The following ZNF540 variants were observed in gnomAD, a reference collection of about 807,000 sequenced individuals.
ZNF540 encodes zinc finger protein 540, also known as CTD-3064H18.6.
Under a neutral mutation model 11.8 loss-of-function variants are expected in ZNF540, and 3 were observed. The observed-to-expected ratio is 0.25, with a 90% CI of 0.12 to 0.65. The LOEUF is 0.65. ZNF540 is among the 30% of genes least tolerant of loss of function. ZNF540 has a pLI of 0.83. For missense variants in ZNF540, 709 were observed against 793.1 expected (o/e 0.89, Z 1.27); for synonymous variants, 247 against 259.0 (o/e 0.95, Z 0.45).
chr19:37,565,522 A>T lies in ZNF540; in HGVS notation c.-73+13857A>T, dbSNP rs987997924. 28 of 1,613,756 alleles carry T rather than the reference A, an allele frequency of 1.7e-5. No homozygotes were observed. In the East Asian group the frequency reaches 6.2e-4, roughly 36 times the overall value. On this transcript the variant is annotated intron_variant, in intron 1 of 4. Coordinates refer to the ZNF540 transcript ENST00000592533. ...CCTTACACTCATAAGGTTTCTCACC[A>T]CTATGAATTCTCTGATGGTAAGTAA...
chr19:37,609,689 A>G (rs2044113388), intron 4 of ZNF540, among the ~76,000 whole-genome samples: 1 of 151,890 alleles, frequency 6.6e-6, no homozygotes, highest in Non-Finnish European at 1.5e-5. Flanking sequence ...CTCTACTAAA[A>G]ATACAAAAAT....
chr19:37,593,120 TGTTA>T (rs2043915135), upstream of ZNF540, among the ~76,000 whole-genome samples: 2 of 152,152 alleles, frequency 1.3e-5, no homozygotes, highest in East Asian at 2.0e-4. Context: ...TTAAACTTAT[TGTTA>T]GTTTTTTTTT....
At chr19:37,559,984 A>G (rs929061352) in intron 1 of ZNF540, among the ~76,000 whole-genome samples, 1 of 152,224 alleles carries the variant, frequency 6.6e-6, no homozygotes, top group Non-Finnish European at 1.5e-5. Context: ...GTGGTTTTTA[A>G]AAATTTTTTT....
intron 4 of ZNF540, among the ~76,000 whole-genome samples, chr19:37,610,151 G>C (rs150994917): frequency 1.4e-4 from 22 of 152,200 alleles, no homozygotes; most frequent in African/African-American, 5.1e-4. Context: ...TAAGGTGAGA[G>C]AGATTAGAGC....
chr19:37,612,275 G>T lies in ZNF540; in HGVS notation c.995G>T (p.Cys332Phe), dbSNP rs1330680611. 6 of 1,614,030 alleles carry T rather than the reference G, an allele frequency of 3.7e-6. No homozygotes were observed. Among genetic ancestry groups the T allele is most frequent in the Non-Finnish European group, 5.1e-6 (6 of 1,180,018 alleles). Residue 332 changes from cysteine to phenylalanine, a missense_variant, in exon 5 of 5, where the codon TGT (cysteine) becomes TTT (phenylalanine). Physicochemically the swap from Cys to Phe is radical, Grantham distance 205 (BLOSUM62 -2). Transcript: ENST00000316433. The part of the protein sequence containing the change: ...TGKKPYECKE[C>F]GKAFSVCGQL... Reference sequence around the variant, plus strand: ...AAGAAACCCTATGAATGTAAGGAGTGTGGGAAAGCTTTTAGTGTATGCGGA... The same window carrying T: ...AAGAAACCCTATGAATGTAAGGAGTTTGGGAAAGCTTTTAGTGTATGCGGA...
In ZNF540 at chr19:37,569,901, A is replaced by G. The variant is rs1408082329; in HGVS notation, c.-73+18236A>G. ...TGCACTTCCTGAGAAGCTGTCCCCA[A>G]TCCCAGGCTCCTAGCAATGCTGTTC... On this transcript the variant is annotated intron_variant, in intron 1 of 4. Transcript: ENST00000592533. The surrounding 1 kb of genome is among the most constrained non-coding windows in gnomAD (Gnocchi z 4.4). 1 of 152,176 alleles carries G rather than the reference A, an allele frequency of 6.6e-6. No homozygotes were observed. The highest frequency in any genetic ancestry group is 1.5e-5 in the Non-Finnish European group (1 of 68,090). 9.4% of individuals were successfully genotyped at this position (152,176 alleles called of 1,614,324 possible).
At chr19:37,558,831 GAGAGAGAGAC>G (rs1177440812) in intron 1 of ZNF540, among the ~76,000 whole-genome samples, 3 of 151,620 alleles carry the variant, frequency 2.0e-5, no homozygotes, top group Admixed American at 6.6e-5. Context: ...TATATATATG[GAGAGAGAGAC>G]AGAGAGAGAG....
chr19:37,584,951 GAGA>G (rs1442565661), intron 1 of ZNF540: 23 of 140,656 alleles, frequency 1.6e-4, no homozygotes, highest in Admixed American at 1.3e-3. Flanking sequence ...GCCACAGAGC[GAGA>G]CTCCGTCTCA....
chr19:37,601,094 G>C lies in ZNF540; in HGVS notation c.221G>C (p.Arg74Thr), dbSNP rs1271925521. ...GTGGTGGCGAGGGATGTGACAGGAA[G>C]ACAGTGCCCCGGTGAGTTGAGAGTT... ...PCVVARDVTGRQCPGLLSRHK... is the reference protein window; with the variant it reads ...PCVVARDVTGTQCPGLLSRHK... The change falls in exon 4 of 5, where the codon AGA becomes ACA. Residue 74 changes from arginine to threonine, a missense_variant. Physicochemically the swap from Arg to Thr is moderately conservative, Grantham distance 71. Coordinates refer to ENST00000316433, the MANE Select transcript of ZNF540 (RefSeq NM_001172225.3). 5 of 1,578,466 alleles carry C rather than the reference G, an allele frequency of 3.2e-6. No homozygotes were observed. In the Admixed American group the frequency reaches 9.2e-5, roughly 29 times the overall value.
In ZNF540 at chr19:37,598,434, G is replaced by C. The variant is rs1217882080; in HGVS notation, c.-14G>C. On this transcript the variant is annotated 5_prime_UTR_variant, in exon 2 of 5. Transcript: ENST00000316433. ...TCCTGCGGAAGACTGAGCAGTTCTT[G>C]TGAGTGTAAAACCATGGCCCATGTA... 7 of 1,613,774 alleles carry C rather than the reference G, an allele frequency of 4.3e-6. No individual in the cohort carries two copies. Among genetic ancestry groups the C allele is most frequent in the Middle Eastern group, 1.6e-4 (1 of 6,084 alleles).
At chr19:37,558,520 G>A (rs1301509452) in intron 1 of ZNF540, among the ~76,000 whole-genome samples, 1 of 152,016 alleles carries the variant, frequency 6.6e-6, no homozygotes, top group Non-Finnish European at 1.5e-5. Context: ...ATGGGTTTCC[G>A]AGCAGCTCCC....
intron 1 of ZNF540, chr19:37,565,989 C>G (rs1019883285): frequency 3.9e-5 from 63 of 1,613,870 alleles, no homozygotes; most frequent in Non-Finnish European, 5.2e-5. Context: ...TAGCTGAAAC[C>G]TTGTCTGCAT....
upstream of ZNF540, among the ~76,000 whole-genome samples, chr19:37,591,071 G>A (rs1251959479): frequency 6.6e-6 from 1 of 152,148 alleles, no homozygotes; most frequent in Non-Finnish European, 1.5e-5. Flanking sequence ...ATAAATTCAT[G>A]ATTCATGATT....
chr19:37,559,580 CA>C (rs1280818947), intron 1 of ZNF540, among the ~76,000 whole-genome samples: 1 of 152,144 alleles, frequency 6.6e-6, no homozygotes, highest in Non-Finnish European at 1.5e-5. Context: ...ATATAATGTA[CA>C]GACCTTATTT....
chr19:37,598,644 C>T (rs776212213), intron 2 of ZNF540, among the ~76,000 whole-genome samples, 188 bp downstream of exon 2: 3 of 152,164 alleles, frequency 2.0e-5, no homozygotes, highest in Non-Finnish European at 2.9e-5. Flanking sequence ...ATTCAGGGTA[C>T]TCAGTCTCTG....
intron 1 of ZNF540, among the ~76,000 whole-genome samples, chr19:37,558,568 A>G (rs2042685494): frequency 6.6e-6 from 1 of 152,102 alleles, no homozygotes; most frequent in Non-Finnish European, 1.5e-5. Flanking sequence ...AAATCATCCA[A>G]AGCTCTCCCT....
At chr19:37,561,334 T>A (rs963133344) in intron 1 of ZNF540, among the ~76,000 whole-genome samples, 1 of 152,170 alleles carries the variant, frequency 6.6e-6, no homozygotes, top group African/African-American at 2.4e-5. Flanking sequence ...TCTAGTGTAG[T>A]CCATGACTGA....
chr19:37,566,369 G>A, intron 1 of ZNF540: 1 of 1,461,884 alleles, frequency 6.8e-7, no homozygotes, highest in Non-Finnish European at 9.2e-7. Flanking sequence ...AATGATAGAT[G>A]AAAATAATTC....
At chr19:37,556,513 T>C (rs995071037) in intron 1 of ZNF540, among the ~76,000 whole-genome samples, 1 of 152,144 alleles carries the variant, frequency 6.6e-6, no homozygotes, top group Non-Finnish European at 1.5e-5. Flanking sequence ...TGAGGTCTTT[T>C]CTAAGCAGGA....
Sources: gnomAD v4.1 joint callset for allele counts (sites outside exome capture counted in the v4.1 genomes callset) on GRCh38, gnomAD v4.1.1 for gene constraint, Gnocchi (gnomAD v3.1) non-coding constraint, MANE v1.5 for transcripts, NCBI Gene and HGNC (gene_info 2026-07-23, HGNC 2026-07-21) for gene names.